The following GABRG3 variants were observed in gnomAD, a reference collection of about 807,000 sequenced individuals.
GABRG3 encodes gamma-aminobutyric acid receptor subunit gamma-3.
In GABRG3, 25 loss-of-function variants were observed where a neutral mutation model predicts 48.8. The observed-to-expected ratio is 0.51, with a 90% CI of 0.37 to 0.72. GABRG3 has a LOEUF of 0.72. Ranked by LOEUF, GABRG3 falls within the 30% of genes least tolerant of loss-of-function variation. The probability of loss-of-function intolerance (pLI) is 0.00; values close to 1 mark genes in which losing one functional copy is unlikely to be tolerated. For synonymous variants in GABRG3, 227 were observed against 217.6 expected (o/e 1.04, Z -0.38); for missense variants, 394 against 577.9 (o/e 0.68, Z 3.26).
intron 3 of GABRG3, among the ~76,000 whole-genome samples, chr15:27,104,371 C>A (rs551519871): frequency 2.0e-5 from 3 of 152,158 alleles, no homozygotes; most frequent in Non-Finnish European, 4.4e-5. Flanking sequence ...GCCAAAGTGG[C>A]GCGTGAGTTT....
chr15:27,061,814 C>T (rs567521079), intron 3 of GABRG3, among the ~76,000 whole-genome samples: 11 of 152,238 alleles, frequency 7.2e-5, no homozygotes, highest in Non-Finnish European at 1.3e-4. Flanking sequence ...AAAGGGTATC[C>T]GGGCCTGGTG....
At chr15:27,122,184 T>G (rs1032851300) in intron 3 of GABRG3, among the ~76,000 whole-genome samples, 1 of 152,204 alleles carries the variant, frequency 6.6e-6, no homozygotes, top group Admixed American at 6.5e-5. Context: ...TATTATACAT[T>G]GCATGCCTGT....
chr15:27,288,055 C>T (rs1595640951), intron 3 of GABRG3, among the ~76,000 whole-genome samples: 1 of 152,106 alleles, frequency 6.6e-6, no homozygotes, highest in East Asian at 1.9e-4. Flanking sequence ...GTGTCTTATA[C>T]ACTGTTAGTT....
chr15:27,315,257 T>G (rs112136350), intron 3 of GABRG3, among the ~76,000 whole-genome samples: 4 of 152,200 alleles, frequency 2.6e-5, no homozygotes, highest in African/African-American at 9.6e-5. Context: ...TTGAGACCTT[T>G]TAGTGAACTA....
At chr15:27,509,014 C>G (rs540725732) in intron 6 of GABRG3, among the ~76,000 whole-genome samples, 1 of 152,046 alleles carries the variant, frequency 6.6e-6, no homozygotes, top group African/African-American at 2.4e-5. Flanking sequence ...CCACCGTGCC[C>G]GGCTGAATTC....
chr15:27,220,573 T>C (rs976368806), intron 3 of GABRG3, among the ~76,000 whole-genome samples: 1 of 152,172 alleles, frequency 6.6e-6, no homozygotes, highest in African/African-American at 2.4e-5. Context: ...CTGTGTGATG[T>C]GACAGCAGTG....
intron 3 of GABRG3, among the ~76,000 whole-genome samples, chr15:27,248,540 G>A (rs879915050): frequency 1.1e-4 from 16 of 152,104 alleles, no homozygotes; most frequent in Non-Finnish European, 2.4e-4. Context: ...CACAGCACAC[G>A]CATCTCAGAC....
Position 27,535,056 on chromosome 15 carries a change from C to T in GABRG3, c.*2175C>T, listed in dbSNP as rs1044681936. Reference sequence around the variant, plus strand: ...TCTAGTTCTGTCTCTCATGCATAAGCAACCCCCGCCTTGGCAGAAGTATTC... The same window carrying T: ...TCTAGTTCTGTCTCTCATGCATAAGTAACCCCCGCCTTGGCAGAAGTATTC... On this transcript the variant is annotated 3_prime_UTR_variant, in exon 10 of 10. Coordinates refer to ENST00000615808, the MANE Select transcript of GABRG3 (RefSeq NM_033223.5). 3.3e-5 allele frequency: 5 copies of T among 152,206 alleles called. No homozygotes were observed. The highest frequency in any genetic ancestry group is 1.2e-4 in the African/African-American group (5 of 41,454). The allele number at this position is 152,206 out of a possible 1,614,324, so 9.4% of individuals were successfully genotyped here.
intron 5 of GABRG3, among the ~76,000 whole-genome samples, chr15:27,359,000 G>A (rs567593750): frequency 2.6e-4 from 39 of 152,344 alleles, no homozygotes; most frequent in African/African-American, 8.9e-4. Context: ...CAGGCTCAGC[G>A]CAAGAGCCGC....
Position 27,537,162 on chromosome 15 carries a change from A to G in GABRG3, c.*4281A>G, listed in dbSNP as rs1891566747. 1 of 151,650 alleles carries G rather than the reference A, an allele frequency of 6.6e-6. No homozygotes were observed. Among genetic ancestry groups the G allele is most frequent in the South Asian group, 2.1e-4 (1 of 4,812 alleles). 9.4% of individuals were successfully genotyped at this position (151,650 alleles called of 1,614,324 possible). A position where few individuals can be genotyped will look rare whatever the true frequency, so the allele number is the denominator to read the frequency against. On this transcript the variant is annotated 3_prime_UTR_variant, in exon 10 of 10. Coordinates refer to ENST00000615808, the MANE Select transcript of GABRG3 (RefSeq NM_033223.5). ...AAAAAAAAAGAATGGCTTAAGCTCC[A>G]CATAATCTGATGTAAATATACATTG...
intron 3 of GABRG3, among the ~76,000 whole-genome samples, chr15:27,227,853 G>C (rs1421038569): frequency 6.6e-6 from 1 of 152,118 alleles, no homozygotes; most frequent in Non-Finnish European, 1.5e-5. Context: ...AGCCTACCCA[G>C]CATGTTTTTC....
intron 3 of GABRG3, among the ~76,000 whole-genome samples, chr15:27,053,433 A>G (rs1279214737): frequency 6.6e-6 from 1 of 152,242 alleles, no homozygotes; most frequent in African/African-American, 2.4e-5. Flanking sequence ...AACCACAGTG[A>G]GACACCATCT....
At chr15:27,271,373 C>T (rs939035469) in intron 3 of GABRG3, among the ~76,000 whole-genome samples, 12 of 152,324 alleles carry the variant, frequency 7.9e-5, no homozygotes, top group African/African-American at 2.4e-4. Flanking sequence ...CTGTCCTCCT[C>T]GTGCTCACTG....
intron 3 of GABRG3, among the ~76,000 whole-genome samples, chr15:27,307,950 T>C (rs1468722437): frequency 7.3e-6 from 1 of 137,348 alleles, no homozygotes; most frequent in Non-Finnish European, 1.5e-5. Flanking sequence ...AACATATATG[T>C]AAAATAAACA....
intron 3 of GABRG3, among the ~76,000 whole-genome samples, chr15:27,103,337 C>T (rs990613676): frequency 6.6e-6 from 1 of 152,144 alleles, no homozygotes; most frequent in Admixed American, 6.5e-5. Flanking sequence ...ACATGAAACA[C>T]CACTCCCCAG....
intron 6 of GABRG3, among the ~76,000 whole-genome samples, chr15:27,513,197 C>T (rs1890938483): frequency 6.6e-6 from 1 of 152,002 alleles, no homozygotes; most frequent in African/African-American, 2.4e-5. Flanking sequence ...CCTGTAATCC[C>T]ATCACTTTGG....
At chr15:27,127,827 G>T (rs2140380603) in intron 3 of GABRG3, among the ~76,000 whole-genome samples, 1 of 152,306 alleles carries the variant, frequency 6.6e-6, no homozygotes, top group Admixed American at 6.5e-5. Flanking sequence ...GGCCTTGGCA[G>T]ATTTGGACAG....
chr15:27,400,438 T>C (rs545171463), intron 5 of GABRG3, among the ~76,000 whole-genome samples: 35 of 152,362 alleles, frequency 2.3e-4, no homozygotes, highest in Non-Finnish European at 4.3e-4. Context: ...ATGACTAAAA[T>C]GCTGCTTTCC....
In GABRG3 at chr15:27,447,532, GA is replaced by G. The variant is rs1888978442; in HGVS notation, c.575-33117del. On this transcript the variant is annotated intron_variant, in intron 5 of 9. Transcript: ENST00000615808. This position sits in a 1 kb window ranked among gnomAD's most constrained non-coding sequence, Gnocchi z 4.0. ...TGCTATTGTCCAGAATAGAGTTAGG[GA>G]GGATCTGAACTAGGCCAGAGATGAC... is the stretch of plus-strand genomic sequence containing the variant. Among the ~76,000 whole-genome samples the G allele has an allele frequency of 6.6e-6, 1 of 152,138 alleles. No individual in the cohort carries two copies. The highest frequency in any genetic ancestry group is 2.4e-5 in the African/African-American group (1 of 41,422).
Sources: gnomAD v4.1 joint callset for allele counts (sites outside exome capture counted in the v4.1 genomes callset) on GRCh38, gnomAD v4.1.1 for gene constraint, Gnocchi (gnomAD v3.1) non-coding constraint, MANE v1.5 for transcripts, NCBI Gene and HGNC (gene_info 2026-07-23, HGNC 2026-07-21) for gene names.